The following EXOC6B variants were observed in gnomAD, a reference collection of about 807,000 sequenced individuals.
EXOC6B encodes the protein SEC15 homolog B.
In EXOC6B, 54 loss-of-function variants were observed where a neutral mutation model predicts 113.5. That is an observed-to-expected ratio of 0.48 (90% CI 0.38 to 0.60). EXOC6B has a LOEUF of 0.60. Among genes scored for constraint, EXOC6B ranks in the 20% least tolerant of loss-of-function variants. The pLI, the probability that EXOC6B is intolerant of heterozygous loss-of-function variation, is 0.00. For synonymous variants in EXOC6B, 357 were observed against 339.0 expected (o/e 1.05, Z -0.58); for missense variants, 797 against 977.5 (o/e 0.82, Z 2.46).
At chr2:72,317,431 G>A (rs1687586437) in intron 20 of EXOC6B, among the ~76,000 whole-genome samples, 1 of 151,844 alleles carries the variant, frequency 6.6e-6, no homozygotes. Context: ...GGAAGATGCT[G>A]GTACCTCAGA....
intron 19 of EXOC6B, among the ~76,000 whole-genome samples, chr2:72,343,859 C>G (rs1222260625): frequency 6.6e-6 from 1 of 152,096 alleles, no homozygotes; most frequent in Non-Finnish European, 1.5e-5. Context: ...TATTAAGGAT[C>G]TTTTCTATGT....
chr2:72,752,134 C>T (rs1342541152), intron 1 of EXOC6B, among the ~76,000 whole-genome samples: 1 of 152,062 alleles, frequency 6.6e-6, no homozygotes, highest in African/African-American at 2.4e-5. Flanking sequence ...TTTAAGATGC[C>T]AATCTCAATC....
chr2:72,709,059 A>G (rs1679089665), intron 6 of EXOC6B, among the ~76,000 whole-genome samples: 1 of 151,720 alleles, frequency 6.6e-6, no homozygotes, highest in South Asian at 2.1e-4. Context: ...TAAAATTTAA[A>G]AAAAAAAACT....
At chr2:72,778,585 T>A (rs1165374787) in intron 1 of EXOC6B, among the ~76,000 whole-genome samples, 1 of 152,186 alleles carries the variant, frequency 6.6e-6, no homozygotes, top group Non-Finnish European at 1.5e-5. Flanking sequence ...CATACACTGG[T>A]GAGGAGGCCC....
chr2:72,571,593 C>T (rs1447143811), intron 7 of EXOC6B, among the ~76,000 whole-genome samples: 1 of 152,098 alleles, frequency 6.6e-6, no homozygotes, highest in Non-Finnish European at 1.5e-5. Context: ...CACCCTTCAG[C>T]AATCATTAAG....
chr2:72,637,935 A>C (rs945271375), intron 6 of EXOC6B, among the ~76,000 whole-genome samples: 1 of 152,178 alleles, frequency 6.6e-6, no homozygotes, highest in African/African-American at 2.4e-5. Flanking sequence ...AAAAAAATCT[A>C]ACCATGCATC....
At chr2:72,272,814 T>C (rs1472087401) in intron 20 of EXOC6B, among the ~76,000 whole-genome samples, 1 of 152,174 alleles carries the variant, frequency 6.6e-6, no homozygotes, top group Non-Finnish European at 1.5e-5. Flanking sequence ...GAACTGGCCA[T>C]TGCTTGGGTC....
chr2:72,211,488 A>T (rs541486218), intron 20 of EXOC6B, among the ~76,000 whole-genome samples: 1 of 152,258 alleles, frequency 6.6e-6, no homozygotes, highest in South Asian at 2.1e-4. Context: ...CTCACTCACC[A>T]TTTAATGAAT....
intron 8 of EXOC6B, among the ~76,000 whole-genome samples, chr2:72,538,259 G>T (rs1021155551): frequency 2.0e-5 from 3 of 152,036 alleles, no homozygotes; most frequent in African/African-American, 7.2e-5. Flanking sequence ...CACTGCCCAA[G>T]AAATTTCTTC....
At chr2:72,565,393 A>G (rs1376700900) in intron 7 of EXOC6B, among the ~76,000 whole-genome samples, 1 of 151,724 alleles carries the variant, frequency 6.6e-6, no homozygotes, top group African/African-American at 2.4e-5. Context: ...CTGGTGAAAC[A>G]AAAATTCAAG....
intron 18 of EXOC6B, among the ~76,000 whole-genome samples, chr2:72,459,039 GA>G (rs1340166050): frequency 6.6e-6 from 1 of 151,898 alleles, no homozygotes; most frequent in African/African-American, 2.4e-5. Flanking sequence ...AAACAAAAAG[GA>G]AAACCTAAAA....
At chr2:72,563,591 C>A (rs142638910) in intron 7 of EXOC6B, among the ~76,000 whole-genome samples, 106 of 152,024 alleles carry the variant, frequency 7.0e-4, no homozygotes, top group African/African-American at 2.5e-3. Context: ...CAAAGGCCCC[C>A]TGAAAAAATA....
chr2:72,428,818 A>G (rs1695360211), intron 18 of EXOC6B, among the ~76,000 whole-genome samples: 1 of 152,202 alleles, frequency 6.6e-6, no homozygotes, highest in African/African-American at 2.4e-5. Flanking sequence ...TTATGGCTAA[A>G]GCTTACACCT....
At chr2:72,546,926 G>T (rs148223298) in intron 8 of EXOC6B, among the ~76,000 whole-genome samples, 1 of 152,324 alleles carries the variant, frequency 6.6e-6, no homozygotes, top group East Asian at 1.9e-4. Context: ...TGGGGCAAAG[G>T]TCTGTAGTCA....
At chr2:72,405,827 G>A (rs897262903) in intron 18 of EXOC6B, among the ~76,000 whole-genome samples, 2 of 152,154 alleles carry the variant, frequency 1.3e-5, no homozygotes, top group Non-Finnish European at 2.9e-5. Flanking sequence ...ACATCATAAT[G>A]ACAGGATCAA....
intron 18 of EXOC6B, among the ~76,000 whole-genome samples, chr2:72,454,310 C>G (rs956609795): frequency 1.3e-5 from 2 of 152,082 alleles, no homozygotes; most frequent in Admixed American, 1.3e-4. Context: ...TCAAGACCAA[C>G]CTGGGCAACA....
chr2:72,574,880 C>G (rs1256378116), intron 7 of EXOC6B, among the ~76,000 whole-genome samples: 1 of 152,060 alleles, frequency 6.6e-6, no homozygotes, highest in Non-Finnish European at 1.5e-5. Context: ...CTTCTAACAA[C>G]AAAGAAAGAT....
At chr2:72,308,103 G>A (rs557455455) in intron 20 of EXOC6B, among the ~76,000 whole-genome samples, 4 of 152,194 alleles carry the variant, frequency 2.6e-5, no homozygotes, top group Admixed American at 6.5e-5. Flanking sequence ...AATCTCTTCC[G>A]CAGAGACCTC....
chr2:72,643,140 T>C (rs912492697), intron 6 of EXOC6B, among the ~76,000 whole-genome samples: 3 of 151,606 alleles, frequency 2.0e-5, no homozygotes, highest in African/African-American at 4.8e-5. Context: ...TGTGGAGAAA[T>C]AGGAACACTT....
Sources: allele counts gnomAD v4.1 joint callset (sites outside exome capture counted in the v4.1 genomes callset), GRCh38; gene constraint gnomAD v4.1.1; transcripts MANE v1.5; gene names NCBI Gene and HGNC (gene_info 2026-07-23, HGNC 2026-07-21).